ADGRL2: variants seen among roughly 807,000 people sequenced by gnomAD.
ADGRL2 encodes adhesion G protein-coupled receptor L2.
A neutral mutation model predicts 157.4 loss-of-function variants in ADGRL2; 44 were observed. The observed-to-expected ratio is 0.28, with a 90% CI of 0.22 to 0.36. ADGRL2 has a LOEUF of 0.36. ADGRL2 is among the 10% of genes least tolerant of loss of function. The pLI is 1.00. For synonymous variants in ADGRL2, 585 were observed against 624.7 expected (o/e 0.94, Z 0.95); for missense variants, 1,510 against 1,768.9 (o/e 0.85, Z 2.63).
intron 3 of ADGRL2, among the ~76,000 whole-genome samples, chr1:81,582,526 G>T (rs1416227771): frequency 1.3e-5 from 2 of 151,902 alleles, no homozygotes; most frequent in African/African-American, 4.8e-5. Flanking sequence ...AGCATCAAAA[G>T]TATAAAGGTG....
At chr1:81,527,832 C>T (rs2079499227) in intron 2 of ADGRL2, among the ~76,000 whole-genome samples, 2 of 152,122 alleles carry the variant, frequency 1.3e-5, no homozygotes, top group African/African-American at 2.4e-5. Context: ...TTTTGGGAGG[C>T]TGAGGCGGGT....
At position 81,970,316 on chromosome 1, in the gene ADGRL2, T is replaced by G. The variant is rs201193024; in HGVS notation, c.2736T>G (p.Ile912Met). ...LIGIDKTKYA[I>M]ACPIFAGLLH... is the part of the protein sequence containing the mutation. ...TTTTTTGTTCTTTTCCCCCGTAGAT[T>G]GCATGCCCAATATTTGCAGGACTTC... Residue 912 changes from isoleucine to methionine, a missense_variant and splice_region_variant, in exon 16 of 24, where the codon ATT becomes ATG. By Grantham distance (10) the Ile-to-Met change is conservative. Around this residue, in one of 4 missense-constraint regions of ADGRL2, gnomAD observed 497 missense variants for 627.2 expected, o/e 0.79. Transcript: ENST00000686636. The G allele has an allele frequency of 3.7e-6, 6 of 1,609,360 alleles. No homozygotes were observed. The highest frequency in any genetic ancestry group is 3.4e-6 in the Non-Finnish European group (4 of 1,177,792).
chr1:81,611,052 T>C (rs1422686122), intron 3 of ADGRL2, among the ~76,000 whole-genome samples: 1 of 152,188 alleles, frequency 6.6e-6, no homozygotes, highest in Non-Finnish European at 1.5e-5. Context: ...TTTTCAGAGT[T>C]TGTAGAAATT....
At chr1:81,483,559 A>G (rs2078436540) in intron 2 of ADGRL2, among the ~76,000 whole-genome samples, 1 of 152,172 alleles carries the variant, frequency 6.6e-6, no homozygotes. Context: ...AAAACTGCAT[A>G]GGAATATATA....
At chr1:81,975,104 C>G (rs867577836) in intron 17 of ADGRL2, among the ~76,000 whole-genome samples, 1 of 152,028 alleles carries the variant, frequency 6.6e-6, no homozygotes, top group Admixed American at 6.6e-5. Context: ...CACACACACG[C>G]CCAGAGCTAA....
At chr1:81,552,698 A>G (rs2080180965) in intron 2 of ADGRL2, among the ~76,000 whole-genome samples, 1 of 152,078 alleles carries the variant, frequency 6.6e-6, no homozygotes, top group African/African-American at 2.4e-5. Context: ...AGATACATGA[A>G]AGGGTTTAAG....
intron 3 of ADGRL2, among the ~76,000 whole-genome samples, chr1:81,644,978 A>T (rs2082285874): frequency 6.6e-6 from 1 of 152,230 alleles, no homozygotes; most frequent in Non-Finnish European, 1.5e-5. Flanking sequence ...TATATGATGT[A>T]GTCCATTGAT....
intron 2 of ADGRL2, among the ~76,000 whole-genome samples, chr1:81,542,656 A>C (rs956080816): frequency 1.8e-4 from 27 of 152,238 alleles, no homozygotes; most frequent in African/African-American, 6.5e-4. Flanking sequence ...GGAAGAGGGC[A>C]TAAAATCTAA....
intron 3 of ADGRL2, among the ~76,000 whole-genome samples, chr1:81,644,795 G>A (rs1223089424): frequency 1.3e-5 from 2 of 152,192 alleles, no homozygotes; most frequent in African/African-American, 4.8e-5. Flanking sequence ...AGTTACACAT[G>A]TGGGAGTATA....
intron 2 of ADGRL2, among the ~76,000 whole-genome samples, chr1:81,558,450 T>C (rs560756089): frequency 6.6e-6 from 1 of 152,304 alleles, no homozygotes; most frequent in African/African-American, 2.4e-5. Flanking sequence ...ACACCTTTCA[T>C]AGTATGTTCT....
chr1:81,908,602 CAA>C (rs1238260548), intron 3 of ADGRL2, among the ~76,000 whole-genome samples: 2 of 152,040 alleles, frequency 1.3e-5, no homozygotes, highest in Admixed American at 6.5e-5. Flanking sequence ...TTTATTTGGG[CAA>C]ATAAAGTACA....
chr1:81,703,097 G>A (rs1043945783), intron 1 of ADGRL2, among the ~76,000 whole-genome samples: 1 of 152,184 alleles, frequency 6.6e-6, no homozygotes, highest in Non-Finnish European at 1.5e-5. Flanking sequence ...CAGCTAGTGA[G>A]TCAGCAATGA....
intron 3 of ADGRL2, among the ~76,000 whole-genome samples, chr1:81,637,091 G>A (rs1365935572): frequency 6.6e-6 from 1 of 152,056 alleles, no homozygotes. Flanking sequence ...TGATCCACCC[G>A]CCTCAGCCTC....
chr1:81,502,846 C>T (rs2078884201), intron 2 of ADGRL2: 1 of 1,612,722 alleles, frequency 6.2e-7, no homozygotes, highest in Non-Finnish European at 8.5e-7. Context: ...GGCCCCTGCC[C>T]TCCTCTCCCC....
chr1:81,711,027 C>T (rs1368095920), intron 1 of ADGRL2, among the ~76,000 whole-genome samples: 1 of 152,090 alleles, frequency 6.6e-6, no homozygotes, highest in Non-Finnish European at 1.5e-5. Flanking sequence ...TATTGTTTCA[C>T]TGAGTTATGT....
At chr1:81,843,217 C>T (rs555261635) in intron 2 of ADGRL2, among the ~76,000 whole-genome samples, 18 of 152,236 alleles carry the variant, frequency 1.2e-4, no homozygotes, top group African/African-American at 4.3e-4. Context: ...ACTGCAACCT[C>T]GGCCTCCTGG....
intron 2 of ADGRL2, among the ~76,000 whole-genome samples, chr1:81,460,895 T>C (rs1016674528): frequency 1.3e-5 from 2 of 152,234 alleles, no homozygotes; most frequent in Admixed American, 6.5e-5. Flanking sequence ...CTATCTTGCA[T>C]GTCTCTGTCA....
chr1:81,540,683 C>T (rs1003433162), intron 2 of ADGRL2, among the ~76,000 whole-genome samples: 3 of 152,086 alleles, frequency 2.0e-5, no homozygotes, highest in Admixed American at 2.0e-4. Flanking sequence ...AAAATAAACA[C>T]GGGCCAGATC....
chr1:81,767,736 G>T (rs544092068), intron 2 of ADGRL2, among the ~76,000 whole-genome samples: 95 of 151,832 alleles, frequency 6.3e-4, no homozygotes, highest in African/African-American at 2.2e-3. Context: ...GCCAGGCATG[G>T]TGGCAAGTGC....
Sources: allele counts gnomAD v4.1 joint callset (sites outside exome capture counted in the v4.1 genomes callset), GRCh38; gene constraint gnomAD v4.1.1; regional missense constraint gnomAD v4.1.1; transcripts MANE v1.5; gene names NCBI Gene and HGNC (gene_info 2026-07-23, HGNC 2026-07-21).